GALNT14: variants seen among roughly 807,000 people sequenced by gnomAD.
GALNT14 encodes UDP-GalNAc:polypeptide N-acetylgalactosaminyltransferase 14.
Under a neutral mutation model 77.5 loss-of-function variants are expected in GALNT14, and 60 were observed. That is an observed-to-expected ratio of 0.77 (90% confidence interval 0.63 to 0.96). GALNT14 has a LOEUF of 0.96. Among genes scored for constraint, GALNT14 ranks in the 40% least tolerant of loss-of-function variants. GALNT14 has a pLI of 0.00. For synonymous variants in GALNT14, 280 were observed against 281.7 expected (o/e 0.99, Z 0.06); for missense variants, 710 against 731.0 (o/e 0.97, Z 0.33).
chr2:30,920,390 T>C (rs994265536), intron 13 of GALNT14, among the ~76,000 whole-genome samples: 1 of 152,034 alleles, frequency 6.6e-6, no homozygotes, highest in Non-Finnish European at 1.5e-5. Flanking sequence ...AAACCATGTT[T>C]AGGGGTTTGA....
intron 1 of GALNT14, among the ~76,000 whole-genome samples, chr2:30,998,122 T>A (rs1295999458): frequency 1.3e-5 from 2 of 152,204 alleles, no homozygotes; most frequent in African/African-American, 4.8e-5. Context: ...TAAGACATAA[T>A]CTTTTCAACA....
At chr2:30,982,260 C>T (rs1669034690) in intron 2 of GALNT14, among the ~76,000 whole-genome samples, 2 of 152,178 alleles carry the variant, frequency 1.3e-5, no homozygotes, top group Non-Finnish European at 2.9e-5. Flanking sequence ...GCAACAGGGA[C>T]TCTGCTGTAA....
At chr2:31,025,884 AC>A (rs1367904342) in intron 1 of GALNT14, among the ~76,000 whole-genome samples, 1 of 152,142 alleles carries the variant, frequency 6.6e-6, no homozygotes, top group African/African-American at 2.4e-5. Flanking sequence ...AGTCTTGAGG[AC>A]TGCAATTTCT....
At chr2:30,949,024 T>G (rs766427727) in intron 6 of GALNT14, among the ~76,000 whole-genome samples, 13 of 152,120 alleles carry the variant, frequency 8.5e-5, no homozygotes, top group Admixed American at 8.5e-4. Flanking sequence ...CATAGCTCAC[T>G]TGTGGTATCT....
chr2:30,925,711 T>C (rs1345694349), intron 11 of GALNT14, among the ~76,000 whole-genome samples: 1 of 152,112 alleles, frequency 6.6e-6, no homozygotes, highest in Non-Finnish European at 1.5e-5. Flanking sequence ...AGACAGACCA[T>C]AAAGGGTCCC....
In GALNT14 at chr2:31,033,075, A is replaced by G. The variant is rs529086573; in HGVS notation, c.130-40068T>C. Among the ~76,000 whole-genome samples the G allele has an allele frequency of 3.3e-5, 5 of 152,280 alleles. No homozygotes were observed. The East Asian group carries it at 9.6e-4, about 29-fold the overall frequency. On this transcript the variant is annotated intron_variant, in intron 1 of 14. Coordinates refer to ENST00000349752, the MANE Select transcript of GALNT14 (RefSeq NM_024572.4). ...GGGGAGAGGGCAGATGCTGGAGAAG[A>G]ATCAAGCCTCCAAAATGAGCTCTGC...
chr2:30,945,118 G>A (rs542280043), intron 7 of GALNT14, among the ~76,000 whole-genome samples, 176 bp from the exon 8 acceptor site: 14 of 152,340 alleles, frequency 9.2e-5, no homozygotes, highest in African/African-American at 2.9e-4. Flanking sequence ...CCAAAGCGCC[G>A]TTCACAGCTT....
intron 1 of GALNT14, among the ~76,000 whole-genome samples, chr2:31,100,702 TAA>T (rs35213261): frequency 0.4 from 59,873 of 149,310 alleles, 12,431 homozygotes; most frequent in Middle Eastern, 0.46. Context: ...TTTAGCCTGT[TAA>T]AAAAAAAAAA....
chr2:31,057,058 G>T (rs149645355), intron 1 of GALNT14, among the ~76,000 whole-genome samples: 130 of 152,138 alleles, frequency 8.5e-4, no homozygotes, highest in African/African-American at 3.0e-3. Flanking sequence ...TGTTCTCACT[G>T]ATAAGTGGGA....
Position 31,075,396 on chromosome 2 carries a change from C to A in GALNT14, c.129+62562G>T, listed in dbSNP as rs559113473. ...CTTTCATATGCAAATGTGTCTCCTG[C>A]ATCTTTGAGCCTCCACCCACCTAGA... is the stretch of plus-strand genomic sequence containing the variant. On this transcript the variant is annotated intron_variant, in intron 1 of 14. Transcript: ENST00000349752. Among the ~76,000 whole-genome samples the A allele has an allele frequency of 8.5e-5, 13 of 152,334 alleles. No individual in the cohort carries two copies. In the East Asian group the frequency reaches 1.3e-3, roughly 16 times the overall value.
At chr2:30,956,010 C>T (rs750611366) in intron 4 of GALNT14, 33 bp from the exon 5 acceptor site, 1 of 1,609,520 alleles carries the variant, frequency 6.2e-7, no homozygotes, top group South Asian at 1.1e-5. Flanking sequence ...CAATTGAGCG[C>T]CCAGGGATGG....
In GALNT14 at chr2:31,060,608, G is replaced by A. The variant is rs368333091; in HGVS notation, c.130-67601C>T. Among the ~76,000 whole-genome samples, 11 of 152,290 alleles carry A rather than the reference G, an allele frequency of 7.2e-5. No individual in the cohort carries two copies. The South Asian group carries it at 1.4e-3, about 20-fold the overall frequency. On this transcript the variant is annotated intron_variant, in intron 1 of 14. Coordinates refer to ENST00000349752, the MANE Select transcript of GALNT14 (RefSeq NM_024572.4). ...TAGCAGCTCCTCAGAACTGTGCCCC[G>A]CCAGTCTAGCTGCACCTTTAATCGG...
At chr2:31,091,686 GT>G (rs1020240507) in intron 1 of GALNT14, among the ~76,000 whole-genome samples, 21 of 152,320 alleles carry the variant, frequency 1.4e-4, no homozygotes, top group Admixed American at 5.2e-4. Context: ...TGTGGTGAGG[GT>G]TTGCTCTCTG....
At chr2:30,975,433 C>T (rs779631892) in intron 2 of GALNT14, among the ~76,000 whole-genome samples, 1 of 152,146 alleles carries the variant, frequency 6.6e-6, no homozygotes, top group Non-Finnish European at 1.5e-5. Context: ...TGGAGATATG[C>T]TGTAAATGTA....
At chr2:31,101,710 A>G (rs563549519) in intron 1 of GALNT14, among the ~76,000 whole-genome samples, 2 of 152,096 alleles carry the variant, frequency 1.3e-5, no homozygotes, top group Admixed American at 6.5e-5. Flanking sequence ...TAGATTAACT[A>G]GTAGTTTATT....
intron 3 of GALNT14, among the ~76,000 whole-genome samples, chr2:30,961,977 G>A (rs1241511824): frequency 6.6e-6 from 1 of 152,072 alleles, no homozygotes; most frequent in Non-Finnish European, 1.5e-5. Context: ...ACAGACATGA[G>A]CCCCTGTGCC....
In GALNT14 at chr2:31,016,202, G is replaced by A. The variant is rs190010163; in HGVS notation, c.130-23195C>T. Among the ~76,000 whole-genome samples, 167 of 152,252 alleles carry A rather than the reference G, an allele frequency of 1.1e-3. 2 individuals are homozygous for A. In the South Asian group the frequency reaches 0.018, roughly 17 times the overall value. On this transcript the variant is annotated intron_variant, in intron 1 of 14. Transcript: ENST00000349752. ...CTCCTGAGGCCTCTCCACTTGGCCCGCAGATGGCCGTCTTCTGGCTGAGTC... is the reference window on the plus strand; with the variant it reads ...CTCCTGAGGCCTCTCCACTTGGCCCACAGATGGCCGTCTTCTGGCTGAGTC...
At chr2:31,087,866 T>C (rs1251318548) in intron 1 of GALNT14, among the ~76,000 whole-genome samples, 1 of 152,166 alleles carries the variant, frequency 6.6e-6, no homozygotes, top group Non-Finnish European at 1.5e-5. Context: ...TGGGAGGTGA[T>C]AAGGTCATTA....
At chr2:30,966,178 C>G (rs1319811002) in intron 3 of GALNT14, 26 bp downstream of exon 3, 2 of 1,598,732 alleles carry the variant, frequency 1.3e-6, no homozygotes, top group Admixed American at 3.3e-5. Flanking sequence ...CCAGAGCTGG[C>G]CAACAGACAA....
Sources: gnomAD v4.1 joint callset for allele counts (sites outside exome capture counted in the v4.1 genomes callset) on GRCh38, gnomAD v4.1.1 for gene constraint, MANE v1.5 for transcripts, NCBI Gene and HGNC (gene_info 2026-07-23, HGNC 2026-07-21) for gene names.